KDM5A: variants seen among roughly 807,000 people sequenced by gnomAD.
The protein encoded by KDM5A is lysine-specific demethylase 5A.
KDM5A carries 42 observed loss-of-function variants against 193.5 expected under a neutral mutation model. That is an observed-to-expected ratio of 0.22 (90% CI 0.17 to 0.28). KDM5A has a LOEUF of 0.28. Among genes scored for constraint, KDM5A ranks in the 10% least tolerant of loss-of-function variants. The pLI, the probability that KDM5A is intolerant of heterozygous loss-of-function variation, is 1.00. For missense variants in KDM5A, 1,692 were observed against 2,055.1 expected, an observed-to-expected ratio of 0.82 and a Z score of 3.42; for synonymous variants, 796 against 718.1, an observed-to-expected ratio of 1.11 and a Z score of -1.73.
chr12:370,699 T>C (rs1410839543), intron 3 of KDM5A, among the ~76,000 whole-genome samples: 5 of 152,204 alleles, frequency 3.3e-5, no homozygotes, highest in South Asian at 2.1e-4. Flanking sequence ...GTGTGCCACG[T>C]TGGTGTGCTG....
intron 11 of KDM5A, 56 bp from the exon 12 acceptor site, chr12:333,705 G>C (rs1943890831): frequency 6.7e-7 from 1 of 1,497,608 alleles, no homozygotes. Flanking sequence ...TGAGGCTAGG[G>C]TATCTGATTC....
chr12:336,701 C>T (rs1477819174), intron 10 of KDM5A, among the ~76,000 whole-genome samples: 1 of 151,680 alleles, frequency 6.6e-6, no homozygotes, highest in Admixed American at 6.6e-5. Context: ...ATCAGCCAAG[C>T]GTGGTGGTGC....
At chr12:365,646 A>G (rs937459269) in intron 4 of KDM5A, among the ~76,000 whole-genome samples, 1 of 152,238 alleles carries the variant, frequency 6.6e-6, no homozygotes, top group African/African-American at 2.4e-5. Flanking sequence ...TCTATGGTAT[A>G]TAAATCATAA....
In KDM5A at chr12:389,179, G is replaced by T; in HGVS notation, c.-88C>A. On this transcript the variant is annotated 5_prime_UTR_variant, in exon 1 of 28. Transcript: ENST00000399788. Reference sequence around the variant, plus strand: ...CCCACTAAGCCCGTTCAAGTCCCCTGACAGAGGCCGAAGCGCATCTTCGCG... The same window carrying T: ...CCCACTAAGCCCGTTCAAGTCCCCTTACAGAGGCCGAAGCGCATCTTCGCG... 8.1e-7 allele frequency: 1 copy of T among 1,235,492 alleles called. No homozygotes were observed. Among genetic ancestry groups the T allele is most frequent in the Non-Finnish European group, 1.2e-6 (1 of 837,310 alleles). 76.5% of individuals were successfully genotyped at this position (1,235,492 alleles called of 1,614,324 possible).
chr12:385,364 G>A (rs1262332919), intron 2 of KDM5A, among the ~76,000 whole-genome samples: 4 of 151,640 alleles, frequency 2.6e-5, no homozygotes, highest in African/African-American at 4.8e-5. Flanking sequence ...ACAGCAAAAC[G>A]TACACTTCCA....
At chr12:331,362 A>T (rs1203179157) in intron 13 of KDM5A, among the ~76,000 whole-genome samples, 2 of 152,216 alleles carry the variant, frequency 1.3e-5, no homozygotes, top group Admixed American at 1.3e-4. Flanking sequence ...AAAAGCCACT[A>T]TTACTTTTGC....
At chr12:361,529 G>C (rs1049750032) in intron 5 of KDM5A, among the ~76,000 whole-genome samples, 6 of 152,070 alleles carry the variant, frequency 3.9e-5, no homozygotes, top group Admixed American at 6.6e-5. Flanking sequence ...AAAAGCATTA[G>C]GAATAGGCAA....
At chr12:328,494 A>G (rs1672226743) in intron 14 of KDM5A, among the ~76,000 whole-genome samples, 1 of 152,316 alleles carries the variant, frequency 6.6e-6, no homozygotes, top group South Asian at 2.1e-4. Context: ...GACAGTCTGT[A>G]ATTTCCAGAA....
intron 3 of KDM5A, among the ~76,000 whole-genome samples, chr12:381,445 C>A (rs982877637): frequency 6.6e-6 from 1 of 152,084 alleles, no homozygotes; most frequent in Non-Finnish European, 1.5e-5. Context: ...TTTATTCATA[C>A]TACAGTCAAA....
chr12:367,415 G>A (rs949509843), intron 3 of KDM5A, among the ~76,000 whole-genome samples: 1 of 152,014 alleles, frequency 6.6e-6, no homozygotes, highest in South Asian at 2.1e-4. Flanking sequence ...TAGCTGGGCA[G>A]GTTGGGCAGG....
intron 10 of KDM5A, among the ~76,000 whole-genome samples, chr12:338,970 G>C (rs950112190): frequency 3.3e-5 from 5 of 151,972 alleles, no homozygotes; most frequent in African/African-American, 1.2e-4. Context: ...ACCTGAGGTT[G>C]GGAGTTCGAG....
chr12:298,313 C>T (rs780647428), intron 24 of KDM5A, among the ~76,000 whole-genome samples: 29 of 152,188 alleles, frequency 1.9e-4, no homozygotes, highest in Non-Finnish European at 1.8e-4. Flanking sequence ...TGGCATCTGG[C>T]CAGTGCCCCT....
chr12:387,124 A>G, intron 1 of KDM5A: 1 of 216,278 alleles, frequency 4.6e-6, no homozygotes. Context: ...CTGTGATATA[A>G]CTAAAATTAG....
intron 27 of KDM5A, among the ~76,000 whole-genome samples, chr12:292,460 G>T (rs1943308043): frequency 1.3e-5 from 2 of 152,122 alleles, no homozygotes; most frequent in African/African-American, 4.8e-5. Flanking sequence ...AGATTATTCT[G>T]AAACTTGTTA....
chr12:331,799 C>T lies in KDM5A; in HGVS notation c.1773+20G>A. 1 of 1,613,618 alleles carries T rather than the reference C, an allele frequency of 6.2e-7. No individual in the cohort carries two copies. Among genetic ancestry groups the T allele is most frequent in the Non-Finnish European group, 8.5e-7 (1 of 1,179,670 alleles). On this transcript the variant is annotated intron_variant, in intron 13 of 27. Transcript: ENST00000399788. ...AGGGGGGTTAGTAGACGTACAACAG[C>T]CACTTGCTATAGAACAGACCCAGTC...
At position 281,308 on chromosome 12, in the gene KDM5A, G is replaced by T. The variant is rs1943151924; in HGVS notation, c.*4148C>A. 1 of 233,024 alleles carries T rather than the reference G, an allele frequency of 4.3e-6. No individual in the cohort carries two copies. Among genetic ancestry groups the T allele is most frequent in the Non-Finnish European group, 8.5e-6 (1 of 117,992 alleles). 14.4% of individuals were successfully genotyped at this position (233,024 alleles called of 1,614,324 possible). ...TCTTGAGGTTTTACAAGACATTCCT[G>T]TTTAGACCACTTGGAGTACTGCAAA... is the stretch of plus-strand genomic sequence containing the variant. On this transcript the variant is annotated 3_prime_UTR_variant, in exon 28 of 28. Coordinates refer to ENST00000399788, the MANE Select transcript of KDM5A (RefSeq NM_001042603.3).
At chr12:290,405 G>A (rs1943277910) in intron 27 of KDM5A, among the ~76,000 whole-genome samples, 1 of 152,272 alleles carries the variant, frequency 6.6e-6, no homozygotes, top group African/African-American at 2.4e-5. Flanking sequence ...AACATAGGGT[G>A]GGGCACACGT....
At position 384,034 on chromosome 12, in the gene KDM5A, G is replaced by C. The variant is rs766732527; in HGVS notation, c.363C>G (p.Ser121Arg). Residue 121 changes from serine to arginine, a missense_variant, in exon 3 of 28, where the codon AGC becomes AGG. Physicochemically the swap from Ser to Arg is moderately radical, Grantham distance 110 (BLOSUM62 -1). Transcript: ENST00000399788. ...TCTAAACCAGTATGAGCCTCACCTT[G>C]CTCAAAGCATACAGATCCAGGATTT... ...ERKILDLYAL[S>R]KIVASKGGFE... 1.2e-6 allele frequency: 2 copies of C among 1,613,520 alleles called. No individual in the cohort carries two copies. The highest frequency in any genetic ancestry group is 1.7e-5 in the Admixed American group (1 of 59,986).
intron 19 of KDM5A, among the ~76,000 whole-genome samples, chr12:317,559 A>G (rs1414577039): frequency 6.6e-6 from 1 of 152,274 alleles, no homozygotes; most frequent in Non-Finnish European, 1.5e-5. Context: ...TACTCTGCAC[A>G]ATAGTTTGCA....
Sources: allele counts gnomAD v4.1 joint callset (sites outside exome capture counted in the v4.1 genomes callset), GRCh38; gene constraint gnomAD v4.1.1; transcripts MANE v1.5; gene names NCBI Gene and HGNC (gene_info 2026-07-23, HGNC 2026-07-21).